The following ATRNL1 variants were observed in gnomAD, a reference collection of about 807,000 sequenced individuals.
The protein encoded by ATRNL1 is attractin-like protein 1.
In ATRNL1, 95 loss-of-function variants were observed where a neutral mutation model predicts 182.7. The ratio of observed to expected loss-of-function variants is 0.52; its 90% CI spans 0.44 to 0.62. ATRNL1 has a LOEUF of 0.62. ATRNL1 is among the 20% of genes least tolerant of loss of function. The pLI, the probability that ATRNL1 is intolerant of heterozygous loss-of-function variation, is 0.00. For synonymous variants in ATRNL1, 576 were observed against 568.3 expected (o/e 1.01, Z -0.19); for missense variants, 1,471 against 1,679.5 (o/e 0.88, Z 2.17).
chr10:115,121,873 A>G (rs1844753282), intron 3 of ATRNL1, 61 bp downstream of exon 3: 3 of 760,716 alleles, frequency 3.9e-6, no homozygotes, highest in African/African-American at 3.6e-5. Context: ...CTTTAAATAT[A>G]TATTGATATG....
chr10:115,751,693 G>A (rs1555070679), intron 27 of ATRNL1, among the ~76,000 whole-genome samples: 1 of 152,016 alleles, frequency 6.6e-6, no homozygotes, highest in Non-Finnish European at 1.5e-5. Context: ...GTACTATGCA[G>A]TTGTAAAAAA....
chr10:115,921,848 C>T (rs1288630711), intron 28 of ATRNL1, among the ~76,000 whole-genome samples: 4 of 152,200 alleles, frequency 2.6e-5, no homozygotes, highest in African/African-American at 9.6e-5. Flanking sequence ...TGTAACACCA[C>T]ATTTTCAAGT....
chr10:115,534,740 G>A (rs1321923161), intron 25 of ATRNL1, among the ~76,000 whole-genome samples: 1 of 151,440 alleles, frequency 6.6e-6, no homozygotes, highest in African/African-American at 2.4e-5. Flanking sequence ...TGTAGCAGCT[G>A]GTACCGGTTG....
intron 13 of ATRNL1, among the ~76,000 whole-genome samples, chr10:115,276,819 A>G (rs1393148703): frequency 6.6e-6 from 1 of 152,118 alleles, no homozygotes; most frequent in Non-Finnish European, 1.5e-5. Flanking sequence ...TTCTTTTACC[A>G]TTGATTAACT....
intron 15 of ATRNL1, among the ~76,000 whole-genome samples, 163 bp downstream of exon 15, chr10:115,286,560 T>G (rs1852624468): frequency 6.6e-6 from 1 of 152,008 alleles, no homozygotes; most frequent in African/African-American, 2.4e-5. Flanking sequence ...GTATAAGTAA[T>G]AAGGTAATAA....
chr10:115,598,416 T>G (rs1193329820), intron 26 of ATRNL1, among the ~76,000 whole-genome samples: 1 of 149,106 alleles, frequency 6.7e-6, no homozygotes, highest in African/African-American at 2.5e-5. Flanking sequence ...CTGGCTGGGG[T>G]GCAGAGGCGT....
chr10:115,632,777 G>A (rs1374715850), intron 26 of ATRNL1, among the ~76,000 whole-genome samples: 2 of 151,664 alleles, frequency 1.3e-5, no homozygotes, highest in Non-Finnish European at 2.9e-5. Context: ...ACAATTTTTT[G>A]GTAAGCCACA....
rs782772260 is a variant in ATRNL1, at chr10:115,465,715, C to T, written c.3418-1459C>T. ...CTGATTTACTCTATGTATTTAAAATCCAAGGTTTTATTTTTCTTTGACTAC... is the reference window on the plus strand; with the variant it reads ...CTGATTTACTCTATGTATTTAAAATTCAAGGTTTTATTTTTCTTTGACTAC... On this transcript the variant is annotated intron_variant, in intron 22 of 28. Transcript: ENST00000355044. Among the ~76,000 whole-genome samples the T allele has an allele frequency of 5.2e-4, 79 of 151,430 alleles. 1 individual carries two copies. Among genetic ancestry groups the T allele is most frequent in the Middle Eastern group, 3.4e-3 (1 of 294 alleles).
chr10:115,336,833 C>T (rs1376309664), intron 19 of ATRNL1, among the ~76,000 whole-genome samples: 1 of 151,652 alleles, frequency 6.6e-6, no homozygotes, highest in East Asian at 1.9e-4. Flanking sequence ...CAGTGTTGTG[C>T]AACTGTCTGA....
intron 26 of ATRNL1, among the ~76,000 whole-genome samples, chr10:115,572,760 A>C (rs187217925): frequency 1.3e-5 from 2 of 152,308 alleles, no homozygotes; most frequent in Admixed American, 1.3e-4. Flanking sequence ...TCAAGATCCA[A>C]GTCTTGATTA....
chr10:115,094,597 T>C (rs1445276655), intron 1 of ATRNL1, among the ~76,000 whole-genome samples: 2 of 152,174 alleles, frequency 1.3e-5, no homozygotes, highest in Non-Finnish European at 2.9e-5. Flanking sequence ...TGCCAAACAC[T>C]CTTCTAAGCG....
chr10:115,252,038 T>C (rs2133845128), intron 10 of ATRNL1, among the ~76,000 whole-genome samples: 1 of 152,290 alleles, frequency 6.6e-6, no homozygotes, highest in South Asian at 2.1e-4. Context: ...GTTGTTGTTG[T>C]TGTTTTGAGA....
rs541260099 is a variant in ATRNL1 at position 115,617,354 on chromosome 10, T to C, written c.3795+67818T>C. 3.8e-5 allele frequency among the ~76,000 whole-genome samples: 5 copies of C among 130,804 alleles called. No individual in the cohort carries two copies. In the South Asian group the frequency reaches 1.2e-3, roughly 31 times the overall value. 85.8% of individuals were successfully genotyped at this position (130,804 alleles called of 152,430 possible). On this transcript the variant is annotated intron_variant, in intron 26 of 28. Coordinates refer to ENST00000355044, the MANE Select transcript of ATRNL1 (RefSeq NM_207303.4). Reference sequence around the variant, plus strand: ...TGTGTCTTGGAAGTAACTAACTTGGTTTTTTTTTGTTTTTTGTTTTTTTTT... The same window carrying C: ...TGTGTCTTGGAAGTAACTAACTTGGCTTTTTTTTGTTTTTTGTTTTTTTTT...
chr10:115,707,761 A>G (rs1312494929), intron 26 of ATRNL1, among the ~76,000 whole-genome samples: 13 of 151,580 alleles, frequency 8.6e-5, no homozygotes, highest in East Asian at 3.9e-4. Context: ...ATTGTCTCCA[A>G]TTTTTCACTA....
chr10:115,530,621 T>G (rs1376612735), intron 25 of ATRNL1, among the ~76,000 whole-genome samples: 6 of 151,846 alleles, frequency 4.0e-5, no homozygotes, highest in Non-Finnish European at 8.8e-5. Flanking sequence ...TTGGGAAAAA[T>G]AAGACTTTTT....
chr10:115,673,018 C>T (rs1409386216), intron 26 of ATRNL1, among the ~76,000 whole-genome samples: 1 of 151,990 alleles, frequency 6.6e-6, no homozygotes. Context: ...CATCTTTTAT[C>T]GTACTGATTT....
In ATRNL1 at chr10:115,538,224, G is replaced by A. The variant is rs141854987; in HGVS notation, c.3717-11234G>A. 5.8e-4 allele frequency among the ~76,000 whole-genome samples: 88 copies of A among 152,254 alleles called. 1 individual carries two copies. The East Asian group carries it at 0.016, about 28-fold the overall frequency. On this transcript the variant is annotated intron_variant, in intron 25 of 28. Coordinates refer to ENST00000355044, the MANE Select transcript of ATRNL1 (RefSeq NM_207303.4). ...CTCTAGCATAAATACCAGGAAGTAGGGTTGCTGGGTCACAGGGTGGATGTA... is the reference window on the plus strand; with the variant it reads ...CTCTAGCATAAATACCAGGAAGTAGAGTTGCTGGGTCACAGGGTGGATGTA...
At position 115,171,085 on chromosome 10, in the gene ATRNL1, G is replaced by T. The variant is rs782673866; in HGVS notation, c.1141G>T (p.Val381Phe). The change falls in exon 8 of 29, where the codon GTC becomes TTC. Residue 381 changes from valine (V) to phenylalanine (F), a missense_variant. Coordinates refer to ENST00000355044, the MANE Select transcript of ATRNL1 (RefSeq NM_207303.4). ...CAGAATTGAAACAAATGATGGCAAT[G>T]TCACAGATGAATTATGGGTTTTTAA... ...GGRIETNDGN[V>F]TDELWVFNIH... 3.1e-6 allele frequency: 5 copies of T among 1,589,312 alleles called. No individual in the cohort carries two copies. The Admixed American group carries it at 8.6e-5, about 27-fold the overall frequency.
chr10:115,336,446 G>A (rs61160613), intron 19 of ATRNL1, among the ~76,000 whole-genome samples: 1 of 152,140 alleles, frequency 6.6e-6, no homozygotes, highest in Admixed American at 6.5e-5. Context: ...AAGTGTTTCA[G>A]TACTGAATTT....
Sources: allele counts gnomAD v4.1 joint callset (sites outside exome capture counted in the v4.1 genomes callset), GRCh38; gene constraint gnomAD v4.1.1; transcripts MANE v1.5; gene names NCBI Gene and HGNC (gene_info 2026-07-23, HGNC 2026-07-21).